The following TMC1 variants were observed in gnomAD, a reference collection of about 807,000 sequenced individuals.
TMC1 encodes the protein transmembrane channel-like protein 1.
TMC1 carries 84 observed loss-of-function variants against 105.8 expected under a neutral mutation model. The ratio of observed to expected loss-of-function variants is 0.79; its 90% CI spans 0.67 to 0.95. The LOEUF (loss-of-function observed/expected upper bound fraction) is 0.95, where lower values mean the gene tolerates loss of function less well. Among genes scored for constraint, TMC1 ranks in the 40% least tolerant of loss-of-function variants. TMC1 has a pLI of 0.00. For synonymous variants in TMC1, 315 were observed against 311.5 expected (o/e 1.01, Z -0.12); for missense variants, 817 against 914.1 (o/e 0.89, Z 1.37).
intron 21 of TMC1, 65 bp downstream of exon 21, chr9:72,827,059 C>T: frequency 2.5e-6 from 4 of 1,599,670 alleles, no homozygotes; most frequent in Non-Finnish European, 3.4e-6. Context: ...TTTTACATTT[C>T]AGCTTTTTCA....
chr9:72,741,173 G>T, intron 9 of TMC1: 4 of 160,058 alleles, frequency 2.5e-5, no homozygotes, highest in South Asian at 3.9e-4. Flanking sequence ...CTGGTTTGTT[G>T]AAACAATAAT....
chr9:72,650,510 T>G (rs1825784981), intron 5 of TMC1, among the ~76,000 whole-genome samples: 1 of 152,096 alleles, frequency 6.6e-6, no homozygotes, highest in South Asian at 2.1e-4. Flanking sequence ...TTTTAACTTT[T>G]ATTTTAGGCT....
At chr9:72,711,769 G>T (rs78201720) in intron 8 of TMC1, among the ~76,000 whole-genome samples, 34,666 of 152,006 alleles carry the variant, frequency 0.23, 4,288 homozygotes, top group East Asian at 0.38. Context: ...GCTCTTCAGT[G>T]TAATTAGATC....
At chr9:72,609,517 G>T (rs1350437450) in intron 2 of TMC1, among the ~76,000 whole-genome samples, 1 of 150,564 alleles carries the variant, frequency 6.6e-6, no homozygotes, top group Non-Finnish European at 1.5e-5. Context: ...TCCGGCCTGG[G>T]TGACAGAGTG....
intron 5 of TMC1, among the ~76,000 whole-genome samples, chr9:72,685,218 T>A (rs190703558): frequency 6.7e-6 from 1 of 150,312 alleles, no homozygotes; most frequent in African/African-American, 2.5e-5. Context: ...ACCATTCTCC[T>A]GTTTCAGCCT....
chr9:72,740,009 C>CTAGAT, intron 8 of TMC1, 110 bp from the exon 9 acceptor site: 2 of 814,952 alleles, frequency 2.5e-6, no homozygotes, highest in Non-Finnish European at 4.1e-6. Context: ...TGTGAAGGAT[C>CTAGAT]TAGAAGAAAT....
intron 8 of TMC1, among the ~76,000 whole-genome samples, chr9:72,704,666 A>C (rs57066655): frequency 0.11 from 16,113 of 152,224 alleles, 935 homozygotes; most frequent in Non-Finnish European, 0.14. Context: ...CCTTTTCATC[A>C]TCACTGTGGA....
At chr9:72,640,726 A>G (rs1045902042) in intron 4 of TMC1, among the ~76,000 whole-genome samples, 11 of 151,028 alleles carry the variant, frequency 7.3e-5, no homozygotes, top group African/African-American at 2.7e-4. Context: ...TCTGCCTCCC[A>G]GGTTCACACC....
intron 8 of TMC1, among the ~76,000 whole-genome samples, chr9:72,732,434 A>G (rs1194803327): frequency 6.6e-6 from 1 of 152,024 alleles, no homozygotes; most frequent in Non-Finnish European, 1.5e-5. Flanking sequence ...GTGTAGTGGC[A>G]CAAGCCTGTA....
At chr9:72,605,758 T>C (rs2132115436) in intron 2 of TMC1, among the ~76,000 whole-genome samples, 1 of 152,082 alleles carries the variant, frequency 6.6e-6, no homozygotes, top group African/African-American at 2.4e-5. Context: ...GTATTTTTAG[T>C]AGAGACGTGG....
chr9:72,750,347 G>T (rs150491287), intron 10 of TMC1, among the ~76,000 whole-genome samples: 136 of 152,352 alleles, frequency 8.9e-4, no homozygotes, highest in African/African-American at 3.1e-3. Context: ...GGCTGATGCA[G>T]CCAGGGACTG....
In TMC1 at chr9:72,620,247, G is replaced by GATT. The variant is rs763222002; in HGVS notation, c.-196+3781_-196+3783dup. 3.3e-5 allele frequency among the ~76,000 whole-genome samples: 5 copies of GATT among 151,772 alleles called. 1 individual carries two copies. Among genetic ancestry groups the GATT allele is most frequent in the Admixed American group, 6.6e-5 (1 of 15,250 alleles). ...AAATGTGGTTATGTTTTAAAAATTAGATTATTATTATTAAGATAGGATCTG... is the reference window on the plus strand; with the variant it reads ...AAATGTGGTTATGTTTTAAAAATTAGATTATTATTATTATTAAGATAGGATCTG... On this transcript the variant is annotated intron_variant, in intron 3 of 23. Transcript: ENST00000297784.
intron 3 of TMC1, among the ~76,000 whole-genome samples, chr9:72,620,793 A>G (rs1825234407): frequency 6.6e-6 from 1 of 152,210 alleles, no homozygotes; most frequent in African/African-American, 2.4e-5. Context: ...GTAGTTAGCT[A>G]TGAAAGGATG....
chr9:72,802,254 T>TATACATACATACATACATAC (rs33965711), intron 17 of TMC1, among the ~76,000 whole-genome samples: 1 of 149,160 alleles, frequency 6.7e-6, no homozygotes, highest in African/African-American at 2.5e-5. Flanking sequence ...TACATACATA[T>TATACATACATACATACATAC]ATACATACAT....
intron 20 of TMC1, among the ~76,000 whole-genome samples, chr9:72,822,942 C>T (rs1022127867): frequency 3.3e-5 from 5 of 152,190 alleles, no homozygotes; most frequent in African/African-American, 4.8e-5. Flanking sequence ...ACTCTTCTGG[C>T]TTTCCTAATT....
intron 2 of TMC1, among the ~76,000 whole-genome samples, chr9:72,601,048 G>A (rs1297620978): frequency 1.3e-5 from 2 of 152,206 alleles, no homozygotes; most frequent in Non-Finnish European, 2.9e-5. Flanking sequence ...AAAATGCTTG[G>A]GGCAAGCTGG....
chr9:72,691,120 T>A (rs965063039), intron 6 of TMC1, among the ~76,000 whole-genome samples: 20 of 152,196 alleles, frequency 1.3e-4, no homozygotes, highest in Non-Finnish European at 1.2e-4. Flanking sequence ...AGTGAATTTC[T>A]GTTACTCTAT....
At chr9:72,720,588 T>A (rs1446949705) in intron 8 of TMC1, among the ~76,000 whole-genome samples, 2 of 152,176 alleles carry the variant, frequency 1.3e-5, no homozygotes, top group African/African-American at 4.8e-5. Flanking sequence ...TCCATTGGAA[T>A]GAATGACACA....
intron 8 of TMC1, among the ~76,000 whole-genome samples, chr9:72,725,776 T>C (rs2501918): frequency 0.23 from 35,170 of 151,872 alleles, 4,436 homozygotes; most frequent in East Asian, 0.39. Context: ...CTGCAAGCTC[T>C]GCCTCCCGGG....
Sources: gnomAD v4.1 joint callset for allele counts (sites outside exome capture counted in the v4.1 genomes callset) on GRCh38, gnomAD v4.1.1 for gene constraint, MANE v1.5 for transcripts, NCBI Gene and HGNC (gene_info 2026-07-23, HGNC 2026-07-21) for gene names.